Variants in COL6A6 observed in about 807,000 individuals in gnomAD.
The protein encoded by COL6A6 is collagen alpha-6(VI) chain.
COL6A6 carries 183 observed loss-of-function variants against 208.6 expected under a neutral mutation model. The observed-to-expected ratio is 0.88, with a 90% CI of 0.78 to 0.99. COL6A6 has a LOEUF of 0.99. COL6A6 is among the 50% of genes least tolerant of loss of function. The probability of loss-of-function intolerance (pLI) is 0.00; values close to 1 mark genes in which losing one functional copy is unlikely to be tolerated. For missense variants in COL6A6, 2,816 were observed against 2,815.2 expected (o/e 1.00, Z -0.01); for synonymous variants, 973 against 1,011.8 (o/e 0.96, Z 0.73).
At chr3:130,668,325 G>T (rs2066127220) in intron 36 of COL6A6, among the ~76,000 whole-genome samples, 1 of 151,696 alleles carries the variant, frequency 6.6e-6, no homozygotes, top group Admixed American at 6.6e-5. Context: ...AAAAATACAA[G>T]AAATTAGCTG....
At position 130,596,597 on chromosome 3, in the gene COL6A6, T is replaced by C. The variant is rs974094100; in HGVS notation, c.4534-1768T>C. Among the ~76,000 whole-genome samples the C allele has an allele frequency of 8.5e-5, 13 of 152,326 alleles. No individual in the cohort carries two copies. The East Asian group carries it at 2.1e-3, about 25-fold the overall frequency. Reference sequence around the variant, plus strand: ...TAGGAAAGCATGTAAATGATGCTAATTTTTGAAACCCTAAGTTTATTCAGA... The same window carrying C: ...TAGGAAAGCATGTAAATGATGCTAACTTTTGAAACCCTAAGTTTATTCAGA... On this transcript the variant is annotated intron_variant, in intron 18 of 36. Transcript: ENST00000358511.
intron 3 of COL6A6, 149 bp from the exon 4 acceptor site, chr3:130,564,845 C>G (rs2062977398): frequency 4.7e-6 from 4 of 842,796 alleles, no homozygotes; most frequent in Non-Finnish European, 7.4e-6. Flanking sequence ...GAACTCAGGT[C>G]TCTTTAACCT....
At chr3:130,536,076 A>G (rs1017223484) in intron 1 of COL6A6, among the ~76,000 whole-genome samples, 26 of 152,204 alleles carry the variant, frequency 1.7e-4, no homozygotes, top group African/African-American at 6.0e-4. Flanking sequence ...CAAATTTTCT[A>G]TTTTTGATTT....
At chr3:130,523,315 A>G (rs1711186485) in intron 1 of COL6A6, among the ~76,000 whole-genome samples, 1 of 152,110 alleles carries the variant, frequency 6.6e-6, no homozygotes, top group Admixed American at 6.5e-5. Flanking sequence ...CCTTCCCTGG[A>G]TCCCCACAAT....
At chr3:130,650,567 G>GC (rs1196133484) in intron 33 of COL6A6, among the ~76,000 whole-genome samples, 1 of 150,466 alleles carries the variant, frequency 6.6e-6, no homozygotes, top group East Asian at 1.9e-4. Flanking sequence ...CCAAGATCGT[G>GC]CCATTGCACT....
rs2063428312 is a variant in COL6A6 at position 130,581,772 on chromosome 3, G to A, written c.3759G>A (p.Lys1253=). 6.2e-7 allele frequency: 1 copy of A among 1,613,722 alleles called. No individual in the cohort carries two copies. Among genetic ancestry groups the A allele is most frequent in the Non-Finnish European group, 8.5e-7 (1 of 1,179,766 alleles). The change falls in exon 9 of 37, where the codon AAG becomes AAA. Residue 1253 remains lysine, a synonymous_variant. Transcript: ENST00000358511. ...VTNAMEKYSP[K]FEIYSENILN... ...ATGCCATGGAAAAATATTCTCCCAAGTTTGAGATCTACAGTGAAAACATAC... is the reference window on the plus strand; with the variant it reads ...ATGCCATGGAAAAATATTCTCCCAAATTTGAGATCTACAGTGAAAACATAC...
intron 4 of COL6A6, 76 bp downstream of exon 4, chr3:130,565,690 G>A (rs2063002946): frequency 2.1e-6 from 3 of 1,457,528 alleles, no homozygotes; most frequent in Non-Finnish European, 9.1e-7. Flanking sequence ...ATACAAAGTG[G>A]ATTGGCTTGG....
chr3:130,568,691 A>C, intron 6 of COL6A6, 87 bp downstream of exon 6: 1 of 1,255,974 alleles, frequency 8.0e-7, no homozygotes, highest in Non-Finnish European at 1.1e-6. Flanking sequence ...TTCTATTTAC[A>C]TATTGTAAAC....
rs149568466 is a variant in COL6A6 at position 130,643,082 on chromosome 3, A to C, written c.5227+59A>C. On this transcript the variant is annotated intron_variant, in intron 31 of 36. Transcript: ENST00000358511. ...GTCAGCATTCATACAAGAAAAGCAG[A>C]GAAACCTACACTCAGAATTGAATTC... 460 of 1,555,584 alleles carry C rather than the reference A, an allele frequency of 3.0e-4. 6 individuals carry two copies. In the East Asian group the frequency reaches 0.01, roughly 35 times the overall value.
In COL6A6 at chr3:130,592,196, G is replaced by T. The variant is rs1399551349; in HGVS notation, c.4273-345G>T. ...ACATTACAGATGATGATAAGGTGAA[G>T]GTTTATAGGTAAGTCTTGCAGTCAT... On this transcript the variant is annotated intron_variant, in intron 13 of 36. Coordinates refer to ENST00000358511, the MANE Select transcript of COL6A6 (RefSeq NM_001102608.3). Among the ~76,000 whole-genome samples the T allele has an allele frequency of 7.8e-4, 3 of 3,834 alleles. No individual in the cohort carries two copies. In the African/African-American group the frequency reaches 9.9e-3, roughly 13 times the overall value. 2.5% of individuals were successfully genotyped at this position (3,834 alleles called of 152,430 possible).
intron 8 of COL6A6, among the ~76,000 whole-genome samples, chr3:130,581,106 T>TCCTTTGTGATTTA (rs1164013863): frequency 1.3e-5 from 2 of 151,864 alleles, no homozygotes; most frequent in African/African-American, 4.8e-5. Context: ...CTTAGATGAG[T>TCCTTTGTGATTTA]CCTTTGTGAT....
At chr3:130,591,423 A>G (rs1011087594) in intron 13 of COL6A6, among the ~76,000 whole-genome samples, 1 of 152,190 alleles carries the variant, frequency 6.6e-6, no homozygotes, top group South Asian at 2.1e-4. Context: ...TTGTGTATCA[A>G]GGACCCCACT....
Position 130,675,228 on chromosome 3 carries a change from C to A in COL6A6, c.6623C>A (p.Thr2208Asn). ...RSFVPGPLKATLKEDVLQKAK... is the reference protein window; with the variant it reads ...RSFVPGPLKANLKEDVLQKAK... ...TTTGTTCCTGGACCACTTAAAGCTA[C>A]CCTCAAAGAAGATGTATTACAGAAG... is the stretch of plus-strand genomic sequence containing the variant. The change falls in exon 37 of 37, where the codon ACC becomes AAC. Residue 2208 changes from threonine (T) to asparagine (N), a missense_variant. Physicochemically the swap from Thr to Asn is moderately conservative, Grantham distance 65. Transcript: ENST00000358511. 1 of 1,582,506 alleles carries A rather than the reference C, an allele frequency of 6.3e-7. No individual in the cohort carries two copies. Among genetic ancestry groups the A allele is most frequent in the Non-Finnish European group, 8.6e-7 (1 of 1,163,792 alleles).
At chr3:130,582,413 G>A (rs992178687) in intron 10 of COL6A6, among the ~76,000 whole-genome samples, 4 of 152,120 alleles carry the variant, frequency 2.6e-5, no homozygotes, top group Non-Finnish European at 4.4e-5. Context: ...GAAGAGAAGA[G>A]TATATTTCTC....
At chr3:130,659,424 A>G (rs1195229728) in intron 34 of COL6A6, among the ~76,000 whole-genome samples, 1 of 152,244 alleles carries the variant, frequency 6.6e-6, no homozygotes, top group African/African-American at 2.4e-5. Context: ...AGAGATATAA[A>G]GCATTTTCTA....
At chr3:130,555,152 T>C (rs1366818405) in intron 1 of COL6A6, among the ~76,000 whole-genome samples, 11 of 152,220 alleles carry the variant, frequency 7.2e-5, no homozygotes, top group Non-Finnish European at 1.0e-4. Context: ...GGGCTCTGCA[T>C]AGGCTGGAGT....
Position 130,563,283 on chromosome 3 carries a change from C to G in COL6A6, c.280C>G (p.Leu94Val), listed in dbSNP as rs1028967299. 1 of 1,614,024 alleles carries G rather than the reference C, an allele frequency of 6.2e-7. No homozygotes were observed. The highest frequency in any genetic ancestry group is 8.5e-7 in the Non-Finnish European group (1 of 1,179,892). Residue 94 changes from leucine (L) to valine (V), a missense_variant, in exon 3 of 37, where the codon CTA (leucine) becomes GTA (valine). By Grantham distance (32) the Leu-to-Val change is conservative. Coordinates refer to ENST00000358511, the MANE Select transcript of COL6A6 (RefSeq NM_001102608.3). Reference protein sequence around the residue: ...FKGRSPMLNHLRKNFGFIGGS... With the variant: ...FKGRSPMLNHVRKNFGFIGGS... ...AGGCAGGAGCCCCATGCTGAACCACCTAAGGAAGAACTTTGGATTCATTGG... is the reference window on the plus strand; with the variant it reads ...AGGCAGGAGCCCCATGCTGAACCACGTAAGGAAGAACTTTGGATTCATTGG...
rs183683697 is a variant in COL6A6, at chr3:130,582,343, G to A, written c.3970+275G>A. 2.5e-4 allele frequency among the ~76,000 whole-genome samples: 38 copies of A among 152,204 alleles called. No individual in the cohort carries two copies. In the East Asian group the frequency reaches 7.2e-3, roughly 29 times the overall value. On this transcript the variant is annotated intron_variant, in intron 10 of 36. Transcript: ENST00000358511. ...TTTCTTCTTCCTGACCTTTCCTGGA[G>A]AATGTTCCTTTCTCTCTCGCCCCAC... is the stretch of plus-strand genomic sequence containing the variant.
intron 31 of COL6A6, among the ~76,000 whole-genome samples, chr3:130,644,777 A>T (rs982837452): frequency 6.6e-6 from 1 of 152,136 alleles, no homozygotes; most frequent in Non-Finnish European, 1.5e-5. Context: ...TTATGGCTGT[A>T]TGTTGTCCCA....
Sources: allele counts gnomAD v4.1 joint callset (sites outside exome capture counted in the v4.1 genomes callset), GRCh38; gene constraint gnomAD v4.1.1; transcripts MANE v1.5; gene names NCBI Gene and HGNC (gene_info 2026-07-23, HGNC 2026-07-21).